PRKCE: variants seen among roughly 807,000 people sequenced by gnomAD.
PRKCE encodes the protein protein kinase C epsilon, also known as protein kinase C epsilon type.
Under a neutral mutation model 85.4 loss-of-function variants are expected in PRKCE, and 16 were observed. The observed-to-expected ratio is 0.19, with a 90% confidence interval of 0.13 to 0.28. The LOEUF (loss-of-function observed/expected upper bound fraction) is 0.28. Ranked by LOEUF, PRKCE falls within the 10% of genes least tolerant of loss-of-function variation. The pLI, the probability that PRKCE is intolerant of heterozygous loss-of-function variation, is 1.00. For synonymous variants in PRKCE, 388 were observed against 371.5 expected (o/e 1.04, Z -0.51); for missense variants, 573 against 975.2 (o/e 0.59, Z 5.49).
At chr2:46,161,553 G>A (rs2121927) in intron 14 of PRKCE, among the ~76,000 whole-genome samples, 122,503 of 151,720 alleles carry the variant, frequency 0.81, 49,984 homozygotes, top group East Asian at 0.96. Flanking sequence ...ACTGGCAGAG[G>A]CGGAGGAGCA....
intron 11 of PRKCE, among the ~76,000 whole-genome samples, chr2:46,115,585 TG>T (rs1672691665): frequency 6.6e-6 from 1 of 152,210 alleles, no homozygotes; most frequent in African/African-American, 2.4e-5. Flanking sequence ...ATATACAACA[TG>T]GTATCTGGCC....
chr2:45,719,715 A>G (rs1024722701), intron 1 of PRKCE, among the ~76,000 whole-genome samples: 2 of 152,106 alleles, frequency 1.3e-5, no homozygotes, highest in Admixed American at 6.5e-5. Flanking sequence ...TCCCCCTTTT[A>G]CAATCTAGAT....
chr2:45,789,436 T>C (rs1270567221), intron 1 of PRKCE, among the ~76,000 whole-genome samples: 1 of 152,256 alleles, frequency 6.6e-6, no homozygotes, highest in African/African-American at 2.4e-5. Flanking sequence ...ACCTTGGCTC[T>C]ACAAAAATTT....
At chr2:45,661,530 G>GTTTTTTTT (rs11406618) in intron 1 of PRKCE, among the ~76,000 whole-genome samples, 53 of 104,802 alleles carry the variant, frequency 5.1e-4, no homozygotes, top group Admixed American at 9.4e-4. Flanking sequence ...TTTGTTTTTT[G>GTTTTTTTT]TTTTTTTTTT....
intron 11 of PRKCE, among the ~76,000 whole-genome samples, chr2:46,116,696 C>T (rs533249672): frequency 1.3e-5 from 2 of 152,192 alleles, no homozygotes; most frequent in South Asian, 4.2e-4. Context: ...GCCAGAGACG[C>T]TAATTCAGTC....
intron 10 of PRKCE, among the ~76,000 whole-genome samples, chr2:46,083,600 T>C (rs538701390): frequency 6.6e-6 from 1 of 152,186 alleles, no homozygotes; most frequent in Non-Finnish European, 1.5e-5. Flanking sequence ...CCAGCTGTAC[T>C]TCCCATGTGA....
chr2:46,091,207 A>G (rs1160862347), intron 11 of PRKCE, among the ~76,000 whole-genome samples: 1 of 152,104 alleles, frequency 6.6e-6, no homozygotes, highest in South Asian at 2.1e-4. Context: ...GCATTAGATC[A>G]CCTGTTTCCA....
At chr2:45,843,831 C>G (rs893576236) in intron 2 of PRKCE, among the ~76,000 whole-genome samples, 2 of 152,258 alleles carry the variant, frequency 1.3e-5, no homozygotes, top group Non-Finnish European at 2.9e-5. Flanking sequence ...TCTCCTACTC[C>G]TCCATCTGTG....
chr2:45,814,058 C>T lies in PRKCE; in HGVS notation c.349-28942C>T, dbSNP rs4953263. On this transcript the variant is annotated intron_variant, in intron 1 of 14. Coordinates refer to ENST00000306156, the MANE Select transcript of PRKCE (RefSeq NM_005400.3). ...CACCTCCGGTCCCCCCTCCCCCTCC[C>T]GCACAGAGGGGAATGATGCTGAGAA... is the stretch of plus-strand genomic sequence containing the variant. Among the ~76,000 whole-genome samples, 296 of 152,228 alleles carry T rather than the reference C, an allele frequency of 1.9e-3. 5 individuals are homozygous for T. The highest frequency in any genetic ancestry group is 0.018 in the Admixed American group (271 of 15,302).
intron 1 of PRKCE, among the ~76,000 whole-genome samples, chr2:45,662,602 T>G (rs1675722560): frequency 6.6e-6 from 1 of 152,124 alleles, no homozygotes; most frequent in South Asian, 2.1e-4. Flanking sequence ...GGGCCTTGGC[T>G]ACGGTTAACC....
intron 2 of PRKCE, among the ~76,000 whole-genome samples, chr2:45,849,483 TTC>T (rs1438384971): frequency 1.3e-5 from 2 of 152,178 alleles, no homozygotes; most frequent in Non-Finnish European, 2.9e-5. Context: ...CTCCCACGCT[TTC>T]TCTTTTCAAA....
At chr2:46,021,648 T>C (rs755177183) in intron 10 of PRKCE, among the ~76,000 whole-genome samples, 1 of 152,196 alleles carries the variant, frequency 6.6e-6, no homozygotes, top group African/African-American at 2.4e-5. Context: ...AAGGTGTCAT[T>C]TGGTCACAGT....
intron 10 of PRKCE, chr2:46,078,329 A>T (rs1668731639): frequency 6.6e-6 from 1 of 150,946 alleles, no homozygotes; most frequent in African/African-American, 2.5e-5. Flanking sequence ...AGGAGTCAGG[A>T]GTTCAAAACC....
At chr2:46,096,411 T>C (rs1670683854) in intron 11 of PRKCE, among the ~76,000 whole-genome samples, 1 of 152,128 alleles carries the variant, frequency 6.6e-6, no homozygotes, top group Non-Finnish European at 1.5e-5. Context: ...CCCAGATTCT[T>C]ATGTTGAAGC....
intron 1 of PRKCE, among the ~76,000 whole-genome samples, chr2:45,806,849 T>G (rs1299953471): frequency 6.6e-6 from 1 of 152,104 alleles, no homozygotes; most frequent in Non-Finnish European, 1.5e-5. Context: ...CTGGGGAAGC[T>G]CTGAGATCCC....
At chr2:46,104,681 C>T (rs1388732204) in intron 11 of PRKCE, among the ~76,000 whole-genome samples, 1 of 152,052 alleles carries the variant, frequency 6.6e-6, no homozygotes, top group East Asian at 1.9e-4. Context: ...TTCCAGATGG[C>T]CAGGGATATT....
intron 2 of PRKCE, among the ~76,000 whole-genome samples, chr2:45,868,319 CAAAAAA>C (rs371501864): frequency 4.7e-4 from 17 of 35,998 alleles, no homozygotes; most frequent in African/African-American, 1.4e-3. Context: ...CTTTCCTGTC[CAAAAAA>C]AAAAAAAAAA....
intron 1 of PRKCE, among the ~76,000 whole-genome samples, chr2:45,787,043 CATTGAA>C (rs1410873656): frequency 6.6e-6 from 1 of 152,180 alleles, no homozygotes; most frequent in Non-Finnish European, 1.5e-5. Flanking sequence ...GGAATCTGCA[CATTGAA>C]TAGAGACCCT....
intron 12 of PRKCE, among the ~76,000 whole-genome samples, chr2:46,150,518 T>C (rs1436706632): frequency 2.0e-5 from 3 of 152,186 alleles, no homozygotes; most frequent in African/African-American, 7.2e-5. Context: ...GGGAGACTTA[T>C]TCATTGCAGT....
Sources: allele counts gnomAD v4.1 joint callset (sites outside exome capture counted in the v4.1 genomes callset), GRCh38; gene constraint gnomAD v4.1.1; transcripts MANE v1.5; gene names NCBI Gene and HGNC (gene_info 2026-07-23, HGNC 2026-07-21).